Variants in VAT1L observed in about 807,000 individuals in gnomAD.
The protein encoded by VAT1L is vesicle amine transport 1 like.
Under a neutral mutation model 44.1 loss-of-function variants are expected in VAT1L, and 34 were observed. The ratio of observed to expected loss-of-function variants is 0.77; its 90% CI spans 0.59 to 1.03. The LOEUF is 1.03. VAT1L is among the 50% of genes least tolerant of loss of function. The pLI is 0.00. For missense variants in VAT1L, 615 were observed against 538.8 expected, an observed-to-expected ratio of 1.14 and a Z score of -1.40; for synonymous variants, 253 against 202.2, an observed-to-expected ratio of 1.25 and a Z score of -2.13.
chr16:77,878,948 GTCA>G (rs1333290669), intron 5 of VAT1L, among the ~76,000 whole-genome samples: 4 of 152,220 alleles, frequency 2.6e-5, no homozygotes, highest in African/African-American at 7.2e-5. Context: ...TAATAAGACG[GTCA>G]TCATGAGAAA....
intron 7 of VAT1L, among the ~76,000 whole-genome samples, chr16:77,912,964 CTCATTACTTTA>C (rs1245942339): frequency 1.3e-5 from 2 of 152,182 alleles, no homozygotes; most frequent in East Asian, 1.9e-4. Flanking sequence ...AGGCTTCATC[CTCATTACTTTA>C]TCTAAACTTA....
chr16:77,813,388 G>C (rs2016298572), intron 1 of VAT1L, among the ~76,000 whole-genome samples: 1 of 152,184 alleles, frequency 6.6e-6, no homozygotes, highest in African/African-American at 2.4e-5. Flanking sequence ...GGTTTCATAT[G>C]ACAGGGACCA....
intron 7 of VAT1L, among the ~76,000 whole-genome samples, chr16:77,947,743 C>G (rs1304095039): frequency 6.6e-6 from 1 of 152,180 alleles, no homozygotes; most frequent in Non-Finnish European, 1.5e-5. Context: ...AGTTTCTCTT[C>G]CTGAAAAATG....
chr16:77,957,408 G>C (rs1362476416), intron 7 of VAT1L, among the ~76,000 whole-genome samples: 1 of 152,172 alleles, frequency 6.6e-6, no homozygotes, highest in Non-Finnish European at 1.5e-5. Flanking sequence ...TTTGTTGAAA[G>C]ATTCAAAGCC....
intron 3 of VAT1L, among the ~76,000 whole-genome samples, chr16:77,833,187 T>C (rs1307487437): frequency 1.3e-5 from 2 of 152,172 alleles, no homozygotes; most frequent in Admixed American, 1.3e-4. Flanking sequence ...CGCTAGGAGT[T>C]CGGTAGGGAA....
chr16:77,895,874 A>T (rs1449434550), intron 7 of VAT1L, among the ~76,000 whole-genome samples: 2 of 152,184 alleles, frequency 1.3e-5, no homozygotes, highest in Non-Finnish European at 2.9e-5. Flanking sequence ...AGGATGGTGG[A>T]AGTGAACAGT....
chr16:77,872,894 G>A (rs1200397663), intron 4 of VAT1L, among the ~76,000 whole-genome samples: 1 of 152,130 alleles, frequency 6.6e-6, no homozygotes, highest in Non-Finnish European at 1.5e-5. Flanking sequence ...GTTATCCAGT[G>A]GCTGGAAATT....
chr16:77,933,717 G>C (rs543547442), intron 7 of VAT1L, among the ~76,000 whole-genome samples: 16 of 152,344 alleles, frequency 1.1e-4, no homozygotes, highest in African/African-American at 3.8e-4. Flanking sequence ...GGATTAACAA[G>C]TGCAAAGGCC....
chr16:77,813,591 G>T (rs2016302905), intron 1 of VAT1L, among the ~76,000 whole-genome samples: 1 of 152,206 alleles, frequency 6.6e-6, no homozygotes, highest in Admixed American at 6.5e-5. Context: ...GAGTTGGGTT[G>T]ACTCTGTTGC....
intron 7 of VAT1L, among the ~76,000 whole-genome samples, chr16:77,924,245 G>T (rs1009895364): frequency 6.6e-6 from 1 of 152,078 alleles, no homozygotes; most frequent in African/African-American, 2.4e-5. Context: ...ATGATCTGGA[G>T]GTTTTCCTCA....
chr16:77,923,333 C>G (rs987297553), intron 7 of VAT1L, among the ~76,000 whole-genome samples: 5 of 151,684 alleles, frequency 3.3e-5, no homozygotes, highest in African/African-American at 1.2e-4. Context: ...ACCTGTAGTC[C>G]CAGCTACTCA....
chr16:77,921,498 A>C (rs1038743888), intron 7 of VAT1L, among the ~76,000 whole-genome samples: 1 of 152,212 alleles, frequency 6.6e-6, no homozygotes, highest in Non-Finnish European at 1.5e-5. Context: ...TGGGGACCAC[A>C]GATCCTTTAA....
At chr16:77,872,207 A>T (rs927987557) in intron 4 of VAT1L, among the ~76,000 whole-genome samples, 18 of 152,256 alleles carry the variant, frequency 1.2e-4, no homozygotes, top group African/African-American at 4.3e-4. Flanking sequence ...TCCTAAGCCC[A>T]GTACTGTGTT....
At chr16:77,895,848 A>G (rs2017318291) in intron 7 of VAT1L, among the ~76,000 whole-genome samples, 1 of 152,232 alleles carries the variant, frequency 6.6e-6, no homozygotes, top group Non-Finnish European at 1.5e-5. Context: ...GCCTGGGCCT[A>G]TGCTTAGGGG....
intron 7 of VAT1L, among the ~76,000 whole-genome samples, chr16:77,948,348 C>G (rs1465643175): frequency 6.6e-6 from 1 of 152,142 alleles, no homozygotes. Flanking sequence ...GAAATGAGAA[C>G]AACACATTGA....
chr16:77,856,787 G>T (rs550330898), intron 3 of VAT1L, among the ~76,000 whole-genome samples: 2 of 152,128 alleles, frequency 1.3e-5, no homozygotes, highest in Non-Finnish European at 2.9e-5. Context: ...GCAAAGACCC[G>T]AAGTTGTCTC....
chr16:77,942,377 C>T (rs117646985), intron 7 of VAT1L, among the ~76,000 whole-genome samples: 1 of 152,104 alleles, frequency 6.6e-6, no homozygotes, highest in Non-Finnish European at 1.5e-5. Flanking sequence ...ATTGTGGGAA[C>T]TGCAATTCAA....
intron 1 of VAT1L, among the ~76,000 whole-genome samples, chr16:77,807,203 T>A (rs1233028576): frequency 2.0e-5 from 3 of 152,168 alleles, no homozygotes; most frequent in African/African-American, 4.8e-5. Flanking sequence ...CACACTACTC[T>A]TCTTGTAGTG....
At position 77,816,974 on chromosome 16, in the gene VAT1L, C is replaced by A; in HGVS notation, c.287C>A (p.Pro96His). The change falls in exon 2 of 9, where the codon CCC becomes CAC. Residue 96 changes from proline (P) to histidine (H), a missense_variant. Transcript: ENST00000302536. ...CGACAAGGGAATATTGACAACCCTC[C>A]CAAGACTCCCCTGGTGCCAGGATTT... ...MVRQGNIDNP[P>H]KTPLVPGFEC... is the part of the protein sequence containing the mutation. The A allele has an allele frequency of 6.2e-7, 1 of 1,613,998 alleles. No homozygotes were observed. Among genetic ancestry groups the A allele is most frequent in the South Asian group, 1.1e-5 (1 of 91,064 alleles).
Sources: allele counts gnomAD v4.1 joint callset (sites outside exome capture counted in the v4.1 genomes callset), GRCh38; gene constraint gnomAD v4.1.1; transcripts MANE v1.5; gene names NCBI Gene and HGNC (gene_info 2026-07-23, HGNC 2026-07-21).